EXT2: variants seen among roughly 807,000 people sequenced by gnomAD.
EXT2 encodes exostosin-2.
In EXT2, 53 loss-of-function variants were observed where a neutral mutation model predicts 81.6. That is an observed-to-expected ratio of 0.65 (90% CI 0.52 to 0.82). The LOEUF (loss-of-function observed/expected upper bound fraction) is 0.82. Ranked by LOEUF, EXT2 falls within the 40% of genes least tolerant of loss-of-function variation. The probability of loss-of-function intolerance (pLI) is 0.00; values close to 1 mark genes in which losing one functional copy is unlikely to be tolerated. For synonymous variants in EXT2, 320 were observed against 340.0 expected (o/e 0.94, Z 0.65); for missense variants, 774 against 910.2 (o/e 0.85, Z 1.93).
At chr11:44,146,091 G>A (rs968038953) in intron 7 of EXT2, among the ~76,000 whole-genome samples, 3 of 152,174 alleles carry the variant, frequency 2.0e-5, no homozygotes, top group South Asian at 4.1e-4. Flanking sequence ...TGCTTGTCTC[G>A]CAGATGGCTG....
chr11:44,126,861 G>A lies in EXT2; in HGVS notation c.985G>A (p.Ala329Thr), dbSNP rs1954413122. 3.1e-6 allele frequency: 5 copies of A among 1,614,160 alleles called. No individual in the cohort carries two copies. Among genetic ancestry groups the A allele is most frequent in the Non-Finnish European group, 4.2e-6 (5 of 1,180,034 alleles). The change falls in exon 6 of 14, where the codon GCA becomes ACA. Residue 329 changes from alanine (A) to threonine (T), a missense_variant. By Grantham distance (58) the Ala-to-Thr change is moderately conservative. Around this residue, in one of 2 missense-constraint regions of EXT2, gnomAD observed 626 missense variants for 670.5 expected, o/e 0.93. Transcript: ENST00000533608. ...TCTTCGTGGAGCTCGGCTGGGCCAG[G>A]CAGTATTGAGCGATGTGTTACAAGC... ...VVLRGARLGQ[A>T]VLSDVLQAGC...
At chr11:44,167,959 C>A (rs1955017068) in intron 7 of EXT2, among the ~76,000 whole-genome samples, 1 of 137,018 alleles carries the variant, frequency 7.3e-6, no homozygotes, top group Non-Finnish European at 1.6e-5. Flanking sequence ...TGCTATCCCT[C>A]CCCCCTCCCC....
intron 9 of EXT2, among the ~76,000 whole-genome samples, chr11:44,205,987 C>G (rs1226751198): frequency 6.6e-6 from 1 of 152,124 alleles, no homozygotes; most frequent in South Asian, 2.1e-4. Flanking sequence ...CCAGTTATTT[C>G]ATAAAGTAGA....
chr11:44,136,070 T>A (rs1268582362), intron 7 of EXT2, among the ~76,000 whole-genome samples: 11 of 152,230 alleles, frequency 7.2e-5, no homozygotes, highest in Admixed American at 5.2e-4. Flanking sequence ...CTGTTTAAGA[T>A]GTTTGTTTTT....
chr11:44,124,843 A>G lies in EXT2; in HGVS notation c.798A>G (p.Arg266=), dbSNP rs1189165037. 1.2e-6 allele frequency: 2 copies of G among 1,613,954 alleles called. No individual in the cohort carries two copies. The highest frequency in any genetic ancestry group is 1.3e-5 in the African/African-American group (1 of 74,886). ...AGGTGGGTCTCCATCCTGAGTACAG[A>G]GAGGACCTAGAAGCCCTCCAGGTCA... is the stretch of plus-strand genomic sequence containing the variant. ...SSQVGLHPEY[R]EDLEALQVKH... is the part of the protein sequence containing the mutation. The change falls in exon 5 of 14, where the codon AGA becomes AGG. Residue 266 remains arginine (R), a synonymous_variant. Coordinates refer to ENST00000533608, the MANE Select transcript of EXT2 (RefSeq NM_207122.2).
At chr11:44,118,404 T>C (rs1954253448) in intron 4 of EXT2, among the ~76,000 whole-genome samples, 1 of 152,216 alleles carries the variant, frequency 6.6e-6, no homozygotes, top group Non-Finnish European at 1.5e-5. Context: ...CAATATTTTA[T>C]TATGAAAATT....
intron 7 of EXT2, among the ~76,000 whole-genome samples, chr11:44,168,790 A>G (rs1372317997): frequency 6.6e-6 from 1 of 152,252 alleles, no homozygotes; most frequent in East Asian, 1.9e-4. Context: ...CAAACAAATA[A>G]AAGAGTCACC....
At chr11:44,151,184 T>C (rs769062271) in intron 7 of EXT2, among the ~76,000 whole-genome samples, 11 of 152,182 alleles carry the variant, frequency 7.2e-5, no homozygotes, top group Non-Finnish European at 1.3e-4. Context: ...CCCCACTATT[T>C]ACTGAACACC....
intron 13 of EXT2, among the ~76,000 whole-genome samples, chr11:44,236,660 C>T (rs1011798107): frequency 6.6e-6 from 1 of 152,206 alleles, no homozygotes; most frequent in Non-Finnish European, 1.5e-5. Flanking sequence ...TAACCATCTA[C>T]AGTCATTGAG....
intron 8 of EXT2, among the ~76,000 whole-genome samples, chr11:44,196,996 G>A (rs531837439): frequency 4.8e-4 from 73 of 152,326 alleles, no homozygotes; most frequent in Non-Finnish European, 8.7e-4. Flanking sequence ...ATGTTGGGGT[G>A]CCGAGCTAAC....
At chr11:44,233,859 G>A (rs1374420652) in intron 11 of EXT2, among the ~76,000 whole-genome samples, 2 of 151,922 alleles carry the variant, frequency 1.3e-5, no homozygotes, top group Admixed American at 6.6e-5. Flanking sequence ...TCATATATAT[G>A]GTAGTTTTAG....
intron 7 of EXT2, among the ~76,000 whole-genome samples, chr11:44,164,992 C>T (rs1320616102): frequency 1.3e-5 from 2 of 151,536 alleles, no homozygotes; most frequent in Non-Finnish European, 2.9e-5. Flanking sequence ...CATTCTCCTG[C>T]CTCAGCCTCC....
chr11:44,176,954 G>A (rs1402734283), intron 8 of EXT2, among the ~76,000 whole-genome samples: 1 of 149,512 alleles, frequency 6.7e-6, no homozygotes, highest in Non-Finnish European at 1.5e-5. Flanking sequence ...TACGTGTGTC[G>A]ATGATTATGA....
intron 13 of EXT2, 96 bp from the exon 14 acceptor site, chr11:44,244,053 C>G: frequency 2.6e-6 from 3 of 1,140,088 alleles, no homozygotes; most frequent in South Asian, 1.2e-5. Context: ...TTGCTGTTAT[C>G]TCTCAACCTC....
intron 10 of EXT2, among the ~76,000 whole-genome samples, chr11:44,226,205 G>A (rs1384797958): frequency 1.3e-5 from 2 of 152,174 alleles, no homozygotes; most frequent in African/African-American, 4.8e-5. Context: ...GAGCAAATGG[G>A]AATGCTGCCC....
At position 44,137,776 on chromosome 11, in the gene EXT2, G is replaced by T. The variant is rs115806623; in HGVS notation, c.1173+7638G>T. Among the ~76,000 whole-genome samples the T allele has an allele frequency of 5.1e-3, 775 of 152,256 alleles. 7 individuals are homozygous for T. Among genetic ancestry groups the T allele is most frequent in the African/African-American group, 0.018 (731 of 41,524 alleles). ...ATTCTTTAAATTTAGGAGAATTAGGGTCCTTAATTTCATAATGCAATCAGT... is the reference window on the plus strand; with the variant it reads ...ATTCTTTAAATTTAGGAGAATTAGGTTCCTTAATTTCATAATGCAATCAGT... On this transcript the variant is annotated intron_variant, in intron 7 of 13. Coordinates refer to ENST00000533608, the MANE Select transcript of EXT2 (RefSeq NM_207122.2).
chr11:44,173,824 C>T (rs1955114495), intron 8 of EXT2, among the ~76,000 whole-genome samples: 1 of 151,994 alleles, frequency 6.6e-6, no homozygotes, highest in Non-Finnish European at 1.5e-5. Flanking sequence ...GCCTCGGCCT[C>T]CCAAAGTGCT....
chr11:44,234,791 C>T (rs1408128632), intron 12 of EXT2, among the ~76,000 whole-genome samples: 1 of 152,006 alleles, frequency 6.6e-6, no homozygotes, highest in African/African-American at 2.4e-5. Context: ...GTAAAAGATG[C>T]CTGTTTATTC....
At chr11:44,229,723 G>A (rs1216292464) in intron 10 of EXT2, among the ~76,000 whole-genome samples, 1 of 152,172 alleles carries the variant, frequency 6.6e-6, no homozygotes, top group Non-Finnish European at 1.5e-5. Flanking sequence ...GGTAACTGCT[G>A]GTCAGTACTG....
Sources: allele counts gnomAD v4.1 joint callset (sites outside exome capture counted in the v4.1 genomes callset), GRCh38; gene constraint gnomAD v4.1.1; regional missense constraint gnomAD v4.1.1; transcripts MANE v1.5; gene names NCBI Gene and HGNC (gene_info 2026-07-23, HGNC 2026-07-21).